The following NLK variants were observed in gnomAD, a reference collection of about 807,000 sequenced individuals.
The protein encoded by NLK is serine/threonine-protein kinase NLK.
In NLK, 11 loss-of-function variants were observed where a neutral mutation model predicts 59.0. That is an observed-to-expected ratio of 0.19 (90% CI 0.12 to 0.31). The LOEUF (loss-of-function observed/expected upper bound fraction) is 0.31, where lower values mean the gene tolerates loss of function less well. Among genes scored for constraint, NLK ranks in the 10% least tolerant of loss-of-function variants. NLK has a pLI of 1.00. For missense variants in NLK, 410 were observed against 661.1 expected (o/e 0.62, Z 4.16); for synonymous variants, 235 against 235.9 (o/e 1.00, Z 0.03).
chr17:28,077,270 G>T (rs1213556362), intron 1 of NLK, among the ~76,000 whole-genome samples: 1 of 151,834 alleles, frequency 6.6e-6, no homozygotes, highest in Non-Finnish European at 1.5e-5. Context: ...GGCTTGGAAG[G>T]CCTCAGAATC....
At chr17:28,125,452 A>G (rs1035723702) in intron 2 of NLK, among the ~76,000 whole-genome samples, 3 of 152,146 alleles carry the variant, frequency 2.0e-5, no homozygotes, top group Non-Finnish European at 4.4e-5. Flanking sequence ...ACTGTGTATG[A>G]TTGTTGCAGA....
chr17:28,104,031 T>C (rs531198606), intron 1 of NLK, among the ~76,000 whole-genome samples: 1 of 152,354 alleles, frequency 6.6e-6, no homozygotes, highest in African/African-American at 2.4e-5. Context: ...CATTATTCAC[T>C]GAAATTCCTA....
intron 8 of NLK, among the ~76,000 whole-genome samples, 194 bp downstream of exon 8, chr17:28,185,459 A>G (rs1006878121): frequency 6.6e-6 from 1 of 152,200 alleles, no homozygotes; most frequent in Non-Finnish European, 1.5e-5. Context: ...AGTCTAAGGG[A>G]AGAGATAAGG....
At chr17:28,161,765 C>A (rs1908014858) in intron 4 of NLK, among the ~76,000 whole-genome samples, 1 of 152,034 alleles carries the variant, frequency 6.6e-6, no homozygotes, top group Non-Finnish European at 1.5e-5. Flanking sequence ...ATAAACAGAG[C>A]CAGCTAAATT....
intron 1 of NLK, among the ~76,000 whole-genome samples, chr17:28,077,073 C>CTTTTTTTTTTTTTTTTTTT (rs35639099): frequency 2.4e-5 from 1 of 42,488 alleles, no homozygotes; most frequent in African/African-American, 9.3e-5. Flanking sequence ...CTCTTTCTTT[C>CTTTTTTTTTTTTTTTTTTT]TTTTTTTTTT....
chr17:28,079,120 A>G (rs930486670), intron 1 of NLK, among the ~76,000 whole-genome samples: 3 of 152,352 alleles, frequency 2.0e-5, no homozygotes, highest in Middle Eastern at 3.4e-3. Flanking sequence ...AAGTGGAATC[A>G]TGCAGTATTT....
chr17:28,105,044 G>A (rs1905030045), intron 1 of NLK, among the ~76,000 whole-genome samples: 1 of 152,124 alleles, frequency 6.6e-6, no homozygotes, highest in African/African-American at 2.4e-5. Flanking sequence ...CCATTATTTA[G>A]GTGGTTTTCT....
intron 1 of NLK, among the ~76,000 whole-genome samples, chr17:28,097,205 T>C (rs935214488): frequency 1.3e-5 from 2 of 152,192 alleles, no homozygotes; most frequent in Non-Finnish European, 2.9e-5. Flanking sequence ...AAGGCAACAT[T>C]AAAAAATGTT....
At chr17:28,058,626 GTGTA>G (rs1316108226) in intron 1 of NLK, among the ~76,000 whole-genome samples, 1 of 152,152 alleles carries the variant, frequency 6.6e-6, no homozygotes, top group Non-Finnish European at 1.5e-5. Flanking sequence ...TGGCCCATGT[GTGTA>G]TTCTCAGCTA....
chr17:28,169,927 AAAATAAATATGC>A (rs994006978), intron 6 of NLK, among the ~76,000 whole-genome samples: 34 of 152,274 alleles, frequency 2.2e-4, no homozygotes, highest in African/African-American at 7.9e-4. Context: ...ACATGAGACA[AAAATAAATATGC>A]AAATAAATAT....
chr17:28,067,352 A>G (rs1389634091), intron 1 of NLK, among the ~76,000 whole-genome samples: 1 of 152,136 alleles, frequency 6.6e-6, no homozygotes, highest in African/African-American at 2.4e-5. Flanking sequence ...TTGAAGTTTT[A>G]ACAATTTTTA....
intron 1 of NLK, among the ~76,000 whole-genome samples, chr17:28,121,786 A>G (rs979265682): frequency 2.6e-5 from 4 of 152,086 alleles, no homozygotes; most frequent in African/African-American, 9.7e-5. Context: ...GGCATGAGCC[A>G]CTGAGCCTGG....
intron 3 of NLK, among the ~76,000 whole-genome samples, chr17:28,152,289 ATACT>A (rs1907512685): frequency 6.6e-6 from 1 of 152,222 alleles, no homozygotes; most frequent in Non-Finnish European, 1.5e-5. Flanking sequence ...ACATTATTTC[ATACT>A]TACTCTGTTT....
Position 28,172,560 on chromosome 17 carries a change from C to A in NLK, c.1091C>A (p.Ala364Glu). 6.3e-7 allele frequency: 1 copy of A among 1,596,424 alleles called. No homozygotes were observed. ...CTGTTGGGCACACCATCACTGGAAGCAATGAGGACAGCTTGTGAAGGCGCT... is the reference window on the plus strand; with the variant it reads ...CTGTTGGGCACACCATCACTGGAAGAAATGAGGACAGCTTGTGAAGGCGCT... ...TDLLGTPSLE[A>E]MRTACEGAKA... The change falls in exon 7 of 11, where the codon GCA becomes GAA. Residue 364 changes from alanine (A) to glutamate (E), a missense_variant. Ala to Glu is a moderately radical substitution (Grantham distance 107). Transcript: ENST00000407008.
chr17:28,116,023 T>C (rs1326336920), intron 1 of NLK, among the ~76,000 whole-genome samples: 1 of 152,198 alleles, frequency 6.6e-6, no homozygotes, highest in Non-Finnish European at 1.5e-5. Context: ...CTGAAGTATT[T>C]TAAAACAAAT....
chr17:28,060,109 A>G (rs1688352562), intron 1 of NLK, among the ~76,000 whole-genome samples: 1 of 152,204 alleles, frequency 6.6e-6, no homozygotes, highest in Non-Finnish European at 1.5e-5. Context: ...ACACTGGTTT[A>G]TTTTGTTGGG....
At chr17:28,202,950 A>G in the NLK span, among the ~76,000 whole-genome samples, 6,972 of 150,920 alleles carry the variant, frequency 0.046, 519 homozygotes, top group African/African-American at 0.16. Context: ...CCAAAGTGCC[A>G]GGATTACAGG....
chr17:28,076,936 TCA>T (rs1206177020), intron 1 of NLK, among the ~76,000 whole-genome samples: 6 of 152,166 alleles, frequency 3.9e-5, no homozygotes, highest in Admixed American at 3.9e-4. Context: ...ACAATTATAT[TCA>T]GTCTGATATA....
At chr17:28,144,751 G>A (rs574268006) in intron 3 of NLK, among the ~76,000 whole-genome samples, 1 of 152,246 alleles carries the variant, frequency 6.6e-6, no homozygotes, top group Admixed American at 6.5e-5. Flanking sequence ...AAGATTGCTA[G>A]ACACCAGGAG....
Sources: allele counts gnomAD v4.1 joint callset (sites outside exome capture counted in the v4.1 genomes callset), GRCh38; gene constraint gnomAD v4.1.1; transcripts MANE v1.5; gene names NCBI Gene and HGNC (gene_info 2026-07-23, HGNC 2026-07-21).